The following GPHN variants were observed in gnomAD, a reference collection of about 807,000 sequenced individuals.
GPHN encodes the protein gephyrin.
A neutral mutation model predicts 95.5 loss-of-function variants in GPHN; 17 were observed. That is an observed-to-expected ratio of 0.18 (90% CI 0.12 to 0.27). The LOEUF is 0.27. Among genes scored for constraint, GPHN ranks in the 10% least tolerant of loss-of-function variants. The pLI is 1.00. For missense variants in GPHN, 660 were observed against 978.1 expected (o/e 0.67, Z 4.34); for synonymous variants, 320 against 322.5 (o/e 0.99, Z 0.08).
chr14:66,595,471 C>T (rs1595154437), intron 1 of GPHN, among the ~76,000 whole-genome samples: 1 of 152,158 alleles, frequency 6.6e-6, no homozygotes, highest in South Asian at 2.1e-4. Flanking sequence ...GCAGGATACA[C>T]TCTGCTCGCA....
intron 1 of GPHN, among the ~76,000 whole-genome samples, chr14:66,612,902 A>G (rs2044624764): frequency 6.6e-6 from 1 of 152,088 alleles, no homozygotes. Flanking sequence ...ATTACTTAGT[A>G]CTATTCCATT....
At position 67,100,934 on chromosome 14, in the gene GPHN, G is replaced by A. The variant is rs2077666223; in HGVS notation, c.1293+23G>A. 2.1e-6 allele frequency: 3 copies of A among 1,437,538 alleles called. No individual in the cohort carries two copies. The Admixed American group carries it at 5.0e-5, about 24-fold the overall frequency. The allele number at this position is 1,437,538 out of a possible 1,614,324, so 89.0% of individuals were successfully genotyped here. A position where few individuals can be genotyped will look rare whatever the true frequency, so the allele number is the denominator to read the frequency against. On this transcript the variant is annotated intron_variant, in intron 13 of 22. Coordinates refer to ENST00000478722, the MANE Select transcript of GPHN (RefSeq NM_020806.5). Reference sequence around the variant, plus strand: ...CAGGTGAGATTGATAGGCCTGAAAGGCACTGAAGATTTCAGCTTCATGGAC... The same window carrying A: ...CAGGTGAGATTGATAGGCCTGAAAGACACTGAAGATTTCAGCTTCATGGAC...
the GPHN span, chr14:67,619,824 T>G: frequency 1.8e-6 from 1 of 565,568 alleles, no homozygotes; most frequent in East Asian, 3.3e-5. Flanking sequence ...GGGGGCTGGT[T>G]GGAGGCGCGG....
the GPHN span, among the ~76,000 whole-genome samples, chr14:67,516,475 C>G: frequency 1.3e-5 from 2 of 152,170 alleles, no homozygotes; most frequent in Non-Finnish European, 2.9e-5. Flanking sequence ...CAGTGACAAA[C>G]AGCTCTCAGA....
intron 8 of GPHN, among the ~76,000 whole-genome samples, chr14:66,942,940 T>C (rs2067515403): frequency 6.6e-6 from 1 of 152,284 alleles, no homozygotes; most frequent in South Asian, 2.1e-4. Flanking sequence ...TTTGCCAAAA[T>C]GATGACTCAG....
At chr14:67,547,003 C>T in the GPHN span, among the ~76,000 whole-genome samples, 1 of 152,178 alleles carries the variant, frequency 6.6e-6, no homozygotes, top group Admixed American at 6.5e-5. Context: ...CTTATAAACA[C>T]CATACCTTCT....
At chr14:67,583,946 A>G in the GPHN span, 1 of 1,611,874 alleles carries the variant, frequency 6.2e-7, no homozygotes, top group Non-Finnish European at 8.5e-7. Flanking sequence ...TGGAATGAAG[A>G]CACGTCGGCA....
chr14:67,000,745 T>C (rs1401794518), intron 9 of GPHN, among the ~76,000 whole-genome samples: 3 of 151,620 alleles, frequency 2.0e-5, no homozygotes, highest in African/African-American at 7.2e-5. Flanking sequence ...ATAAAATTAG[T>C]ATATATCTCT....
the GPHN span, chr14:67,343,493 G>A: frequency 8.1e-7 from 1 of 1,236,138 alleles, no homozygotes; most frequent in East Asian, 2.3e-5. Context: ...ATCATTCCCT[G>A]ATCACTTGAC....
intron 9 of GPHN, among the ~76,000 whole-genome samples, chr14:67,017,873 G>C (rs1011585185): frequency 2.6e-5 from 4 of 151,898 alleles, no homozygotes; most frequent in African/African-American, 9.7e-5. Context: ...TGATAAAACA[G>C]GTACAGGAAT....
chr14:67,061,864 A>G (rs2075837490), intron 11 of GPHN, among the ~76,000 whole-genome samples: 1 of 152,102 alleles, frequency 6.6e-6, no homozygotes, highest in African/African-American at 2.4e-5. Flanking sequence ...TTCTCTACAT[A>G]TTAACTACTG....
chr14:67,685,007 A>T, the GPHN span: 181 of 1,602,314 alleles, frequency 1.1e-4, no homozygotes, highest in African/African-American at 1.4e-3. Flanking sequence ...AAGAGATAAC[A>T]TTCATACCTG....
At chr14:66,757,941 A>G (rs1039704274) in intron 2 of GPHN, among the ~76,000 whole-genome samples, 1 of 152,198 alleles carries the variant, frequency 6.6e-6, no homozygotes, top group African/African-American at 2.4e-5. Flanking sequence ...ATTCTCAGCC[A>G]AGAGGGGATG....
At chr14:66,666,203 A>G (rs941655136) in intron 1 of GPHN, among the ~76,000 whole-genome samples, 5 of 152,008 alleles carry the variant, frequency 3.3e-5, no homozygotes, top group African/African-American at 1.2e-4. Flanking sequence ...ATACATATGT[A>G]ACAAACCTGC....
chr14:66,662,664 A>G (rs2065728555), intron 1 of GPHN, among the ~76,000 whole-genome samples: 1 of 152,220 alleles, frequency 6.6e-6, no homozygotes, highest in African/African-American at 2.4e-5. Flanking sequence ...AATGTGGATA[A>G]AATTGATGTT....
intron 2 of GPHN, among the ~76,000 whole-genome samples, chr14:66,729,804 T>C (rs1247248373): frequency 6.6e-6 from 1 of 152,218 alleles, no homozygotes. Context: ...ATGACTTTTG[T>C]GGGCACTGAT....
At chr14:67,473,703 AGCAGCGGGCAGCGGCCGCGCAGCC>A in the GPHN span, 1 of 1,594,904 alleles carries the variant, frequency 6.3e-7, no homozygotes. The surrounding 1 kb of genome is among the most constrained non-coding windows in gnomAD (Gnocchi z 6.5). Context: ...GCAGCGCAGG[AGCAGCGGGCAGCGGCCGCGCAGCC>A]GCAGGTACAT....
intron 2 of GPHN, among the ~76,000 whole-genome samples, chr14:66,701,968 G>T (rs371858523): frequency 1.4e-4 from 21 of 152,270 alleles, no homozygotes; most frequent in African/African-American, 4.6e-4. Context: ...AGCCAGGGAG[G>T]CTGGACAGCT....
intron 1 of GPHN, among the ~76,000 whole-genome samples, chr14:66,633,596 G>T (rs2063941923): frequency 6.8e-6 from 1 of 146,576 alleles, no homozygotes; most frequent in African/African-American, 2.7e-5. Flanking sequence ...TCAGTTTAAG[G>T]GACAGCTAGA....
Sources: gnomAD v4.1 joint callset for allele counts (sites outside exome capture counted in the v4.1 genomes callset) on GRCh38, gnomAD v4.1.1 for gene constraint, Gnocchi (gnomAD v3.1) non-coding constraint, MANE v1.5 for transcripts, NCBI Gene and HGNC (gene_info 2026-07-23, HGNC 2026-07-21) for gene names.